Variants in ZSCAN5A observed in about 807,000 individuals in gnomAD.
ZSCAN5A encodes zinc finger and SCAN domain-containing protein 5A.
In ZSCAN5A, 12 loss-of-function variants were observed where a neutral mutation model predicts 23.7. The observed-to-expected ratio is 0.51, with a 90% CI of 0.32 to 0.82. The LOEUF (loss-of-function observed/expected upper bound fraction) is 0.82. Ranked by LOEUF, ZSCAN5A falls within the 40% of genes least tolerant of loss-of-function variation. The pLI, the probability that ZSCAN5A is intolerant of heterozygous loss-of-function variation, is 0.03. For synonymous variants in ZSCAN5A, 257 were observed against 239.9 expected (o/e 1.07, Z -0.66); for missense variants, 597 against 617.9 (o/e 0.97, Z 0.36).
At chr19:56,230,596 G>A in intron 2 of ZSCAN5A, among the ~76,000 whole-genome samples, 1 of 145,518 alleles carries the variant, frequency 6.9e-6, no homozygotes, top group African/African-American at 2.6e-5. Context: ...GCCACATCTG[G>A]CTTTCTTTTT....
intron 2 of ZSCAN5A, among the ~76,000 whole-genome samples, chr19:56,349,873 ACTT>A (rs2041657432): frequency 6.6e-6 from 1 of 152,176 alleles, no homozygotes; most frequent in African/African-American, 2.4e-5. Flanking sequence ...AAATATTAGA[ACTT>A]CTTTTTAATG....
intron 2 of ZSCAN5A, among the ~76,000 whole-genome samples, chr19:56,302,666 T>C (rs2040419502): frequency 1.7e-5 from 2 of 116,750 alleles, no homozygotes; most frequent in African/African-American, 6.3e-5. Context: ...TCCCTGTTCT[T>C]TCCTTCCTCC....
At chr19:56,301,938 A>G (rs2040260402) in intron 2 of ZSCAN5A, 1 of 1,231,946 alleles carries the variant, frequency 8.1e-7, no homozygotes. Context: ...GAAGGCCATC[A>G]GCATCAATCA....
chr19:56,338,948 G>C (rs1000996547), intron 2 of ZSCAN5A, among the ~76,000 whole-genome samples: 1 of 152,238 alleles, frequency 6.6e-6, no homozygotes, highest in Non-Finnish European at 1.5e-5. Flanking sequence ...GAGAAAGCTT[G>C]ACAGTGACGT....
chr19:56,328,881 G>A (rs2147434016), intron 2 of ZSCAN5A, among the ~76,000 whole-genome samples: 1 of 151,472 alleles, frequency 6.6e-6, no homozygotes, highest in East Asian at 2.0e-4. Context: ...TGTAGTCCCA[G>A]CTGCTGGGGA....
At chr19:56,253,723 T>A (rs1367694124) in intron 2 of ZSCAN5A, among the ~76,000 whole-genome samples, 7 of 152,170 alleles carry the variant, frequency 4.6e-5, no homozygotes, top group Non-Finnish European at 1.0e-4. Flanking sequence ...ACATTTTTTT[T>A]TCTTACAATA....
intron 2 of ZSCAN5A, among the ~76,000 whole-genome samples, chr19:56,260,390 T>C (rs2037042348): frequency 6.6e-6 from 1 of 151,880 alleles, no homozygotes; most frequent in East Asian, 1.9e-4. Flanking sequence ...AGTTATGTAT[T>C]TTTAGTAGAG....
At chr19:56,363,013 T>A (rs76553039) in intron 2 of ZSCAN5A, among the ~76,000 whole-genome samples, 4,122 of 152,306 alleles carry the variant, frequency 0.027, 177 homozygotes, top group African/African-American at 0.093. Context: ...ATTTACTACT[T>A]CATAAAAGCA....
rs544158636 is a variant in ZSCAN5A at position 56,270,754 on chromosome 19, G to A, written c.-128+42529C>T. Among the ~76,000 whole-genome samples the A allele has an allele frequency of 5.3e-5, 8 of 152,162 alleles. 1 individual carries two copies. The highest frequency in any genetic ancestry group is 2.1e-4 in the South Asian group (1 of 4,812). ...GTTGTGGCTCCCCAAACATGGTGGCGGTGGTGGTTGGTGTGGGGTGGGTGG... is the reference window on the plus strand; with the variant it reads ...GTTGTGGCTCCCCAAACATGGTGGCAGTGGTGGTTGGTGTGGGGTGGGTGG... On this transcript the variant is annotated intron_variant, in intron 2 of 5. Coordinates refer to ENST00000683990, the MANE Select transcript of ZSCAN5A (RefSeq NM_001322064.3).
rs929306957 is a variant in ZSCAN5A, at chr19:56,301,875, T to C, written c.-128+11408A>G. 11 of 1,226,664 alleles carry C rather than the reference T, an allele frequency of 9.0e-6. No homozygotes were observed. In the East Asian group the frequency reaches 2.8e-4, roughly 32 times the overall value. 76.0% of individuals were successfully genotyped at this position (1,226,664 alleles called of 1,614,324 possible). On this transcript the variant is annotated intron_variant, in intron 2 of 5. Coordinates refer to ENST00000683990, the MANE Select transcript of ZSCAN5A (RefSeq NM_001322064.3). ...TCAGGAGGCAGGCAGAGATGTGAGT[T>C]TGGAGATCAGAATGGAGAGACAGCA...
intron 2 of ZSCAN5A, among the ~76,000 whole-genome samples, chr19:56,253,707 C>G (rs1301038452): frequency 6.6e-6 from 1 of 152,114 alleles, no homozygotes; most frequent in African/African-American, 2.4e-5. Context: ...GTTACAGACA[C>G]TAAATACATT....
chr19:56,273,753 A>G (rs1463264505), intron 2 of ZSCAN5A, among the ~76,000 whole-genome samples: 1 of 152,204 alleles, frequency 6.6e-6, no homozygotes, highest in Non-Finnish European at 1.5e-5. Flanking sequence ...AGGAGGCAGG[A>G]AACAGAACAG....
intron 2 of ZSCAN5A, among the ~76,000 whole-genome samples, chr19:56,260,414 A>T (rs2037043589): frequency 6.6e-6 from 1 of 151,934 alleles, no homozygotes; most frequent in African/African-American, 2.4e-5. Context: ...GGGTTTCTCC[A>T]TGTTGGTCAG....
chr19:56,301,814 C>T (rs2040251743), intron 2 of ZSCAN5A: 7 of 773,398 alleles, frequency 9.1e-6, no homozygotes, highest in African/African-American at 3.6e-5. Flanking sequence ...AAGGGGGAAG[C>T]TGGCAGTGAT....
intron 2 of ZSCAN5A, chr19:56,247,176 G>C: frequency 1.7e-6 from 1 of 602,948 alleles, no homozygotes; most frequent in East Asian, 2.9e-5. Flanking sequence ...GCTTCACGCA[G>C]CTCTCAGACC....
rs773810597 is a variant in ZSCAN5A at position 56,221,570 on chromosome 19, T to C, written c.*5A>G. The C allele has an allele frequency of 2.3e-5, 37 of 1,586,098 alleles. No individual in the cohort carries two copies. In the Admixed American group the frequency reaches 5.7e-4, roughly 24 times the overall value. ...GGTGCAGAAGGCATAGACCGGATTATGCAATCACTGAGAAGTAGCTTCTGG... is the reference window on the plus strand; with the variant it reads ...GGTGCAGAAGGCATAGACCGGATTACGCAATCACTGAGAAGTAGCTTCTGG... On this transcript the variant is annotated 3_prime_UTR_variant, in exon 6 of 6. Transcript: ENST00000683990.
chr19:56,252,912 G>C (rs1185591064), intron 2 of ZSCAN5A, among the ~76,000 whole-genome samples: 1 of 152,218 alleles, frequency 6.6e-6, no homozygotes, highest in South Asian at 2.1e-4. Context: ...ACGTGGGGCT[G>C]ACAAGGCCAT....
intron 2 of ZSCAN5A, among the ~76,000 whole-genome samples, chr19:56,353,664 C>T (rs2041683111): frequency 6.6e-6 from 1 of 151,974 alleles, no homozygotes; most frequent in Admixed American, 6.6e-5. Flanking sequence ...CACCTGTAGT[C>T]CCAGCTACTC....
At chr19:56,273,173 G>A (rs1029764448) in intron 2 of ZSCAN5A, among the ~76,000 whole-genome samples, 33 of 152,164 alleles carry the variant, frequency 2.2e-4, no homozygotes, top group Non-Finnish European at 1.6e-4. Context: ...GAGACACTGC[G>A]TCTGCAAACC....
Sources: gnomAD v4.1 joint callset for allele counts (sites outside exome capture counted in the v4.1 genomes callset) on GRCh38, gnomAD v4.1.1 for gene constraint, MANE v1.5 for transcripts, NCBI Gene and HGNC (gene_info 2026-07-23, HGNC 2026-07-21) for gene names.